ITSN1: variants seen among roughly 807,000 people sequenced by gnomAD.
ITSN1 encodes intersectin-1.
ITSN1 carries 58 observed loss-of-function variants against 239.8 expected under a neutral mutation model. That is an observed-to-expected ratio of 0.24 (90% CI 0.20 to 0.30). The LOEUF (loss-of-function observed/expected upper bound fraction) is 0.30, where lower values mean the gene tolerates loss of function less well. Ranked by LOEUF, ITSN1 falls within the 10% of genes least tolerant of loss-of-function variation. ITSN1 has a pLI of 1.00. For synonymous variants in ITSN1, 780 were observed against 770.8 expected (o/e 1.01, Z -0.20); for missense variants, 1,558 against 2,103.3 (o/e 0.74, Z 5.07).
intron 5 of ITSN1, chr21:33,735,559 GT>G: frequency 3.8e-6 from 1 of 263,536 alleles, no homozygotes; most frequent in Non-Finnish European, 7.2e-6. Context: ...CATAATGTCT[GT>G]TTCTCCTTGT....
intron 8 of ITSN1, 53 bp downstream of exon 8, chr21:33,755,450 G>C: frequency 1.0e-6 from 1 of 979,646 alleles, no homozygotes; most frequent in Non-Finnish European, 1.6e-6. Context: ...AATGTAAACT[G>C]TTTCTAGATA....
In ITSN1 at chr21:33,751,825, A is replaced by G; in HGVS notation, c.542A>G (p.Lys181Arg). ...ATTTTTACAGCAGCCACATTGCCAA[A>G]GAGTTCTTCCTTTAGTAGATCTGGT... ...AFAHPAATLP[K>R]SSSFSRSGPG... is the part of the protein sequence containing the mutation. The change falls in exon 7 of 40, where the codon AAG becomes AGG. Residue 181 changes from lysine (K) to arginine (R), a missense_variant. Lys to Arg is a conservative substitution (Grantham distance 26, BLOSUM62 2). This residue lies in a region of ITSN1 where 982 missense variants were observed against 1,209.9 expected (regional missense o/e 0.81). Transcript: ENST00000381318. The G allele has an allele frequency of 6.2e-7, 1 of 1,610,778 alleles. No homozygotes were observed. Among genetic ancestry groups the G allele is most frequent in the African/African-American group, 1.3e-5 (1 of 74,988 alleles).
Position 33,799,842 on chromosome 21 carries a change from T to C in ITSN1, c.2217T>C (p.Asn739=). Reference sequence around the variant, plus strand: ...CACTTACCATTTCTGCACAGGAAAATGTAAAAGTGGTGTATTACCGGGCAC... The same window carrying C: ...CACTTACCATTTCTGCACAGGAAAACGTAAAAGTGGTGTATTACCGGGCAC... ...KGPLTISAQE[N]VKVVYYRALY... The change falls in exon 19 of 40, where the codon AAT becomes AAC. Residue 739 remains asparagine (N), a synonymous_variant. Transcript: ENST00000381318. 1 of 1,614,010 alleles carries C rather than the reference T, an allele frequency of 6.2e-7. No individual in the cohort carries two copies.
intron 20 of ITSN1, among the ~76,000 whole-genome samples, chr21:33,806,047 CAAA>C (rs762086740): frequency 8.8e-6 from 1 of 113,012 alleles, no homozygotes; most frequent in Admixed American, 9.1e-5. Context: ...ACTAAAAATA[CAAA>C]AAAAAAAAAA....
At chr21:33,678,507 G>GGCTA (rs1481587001) in intron 1 of ITSN1, among the ~76,000 whole-genome samples, 3 of 152,142 alleles carry the variant, frequency 2.0e-5, no homozygotes, top group African/African-American at 7.2e-5. Context: ...GTAAGTACTA[G>GGCTA]GTGACCATTT....
At chr21:33,682,087 A>G (rs565185266) in intron 1 of ITSN1, among the ~76,000 whole-genome samples, 25 of 152,024 alleles carry the variant, frequency 1.6e-4, no homozygotes, top group Admixed American at 1.0e-3. Context: ...AAAAAACTAC[A>G]TACTAATTAC....
At chr21:33,695,425 A>AGTGAAGTACATATTGAATGT (rs2091752790) in intron 1 of ITSN1, among the ~76,000 whole-genome samples, 1 of 152,248 alleles carries the variant, frequency 6.6e-6, no homozygotes, top group Non-Finnish European at 1.5e-5. Flanking sequence ...AATGTTATTC[A>AGTGAAGTACATATTGAATGT]GTGAAGTACA....
intron 25 of ITSN1, 114 bp from the exon 26 acceptor site, chr21:33,826,704 A>G (rs1237558405): frequency 1.2e-6 from 1 of 869,544 alleles, no homozygotes; most frequent in African/African-American, 1.7e-5. Context: ...ATGTTTTCCC[A>G]GAATGAAAAG....
chr21:33,722,464 C>A, intron 3 of ITSN1, 124 bp from the exon 4 acceptor site: 1 of 1,186,330 alleles, frequency 8.4e-7, no homozygotes, highest in South Asian at 2.1e-5. Flanking sequence ...TTTTATAATG[C>A]ACTCAACTGG....
chr21:33,747,501 T>C (rs2067254212), intron 5 of ITSN1, among the ~76,000 whole-genome samples: 5 of 74,120 alleles, frequency 6.7e-5, no homozygotes. Flanking sequence ...ACACCTCAAG[T>C]AGGGTAAATA....
intron 29 of ITSN1, among the ~76,000 whole-genome samples, chr21:33,841,993 C>G (rs1569291162): frequency 6.9e-6 from 1 of 145,244 alleles, no homozygotes; most frequent in Non-Finnish European, 1.5e-5. Context: ...GTGGTGCAAT[C>G]TCGGCTCACT....
chr21:33,668,418 T>G (rs1401625107), intron 1 of ITSN1, among the ~76,000 whole-genome samples: 1 of 152,232 alleles, frequency 6.6e-6, no homozygotes, highest in Non-Finnish European at 1.5e-5. Flanking sequence ...CTCCAGCTAC[T>G]GGCTAGAAAC....
chr21:33,834,866 A>G (rs1025097017), intron 28 of ITSN1, among the ~76,000 whole-genome samples: 1 of 152,128 alleles, frequency 6.6e-6, no homozygotes, highest in African/African-American at 2.4e-5. Flanking sequence ...GAAGACCAAA[A>G]TAGCTCCCCT....
At chr21:33,855,480 C>T (rs1482904286) in intron 29 of ITSN1, among the ~76,000 whole-genome samples, 1 of 152,252 alleles carries the variant, frequency 6.6e-6, no homozygotes, top group Non-Finnish European at 1.5e-5. Flanking sequence ...CGGGACACCT[C>T]TGGGTCTGTC....
chr21:33,672,765 G>A (rs1260257457), intron 1 of ITSN1, among the ~76,000 whole-genome samples: 1 of 151,270 alleles, frequency 6.6e-6, no homozygotes, highest in Non-Finnish European at 1.5e-5. Flanking sequence ...AGGCTGGAGT[G>A]CGGTGGCGCA....
intron 16 of ITSN1, among the ~76,000 whole-genome samples, chr21:33,788,115 G>T (rs1259801164): frequency 6.6e-6 from 1 of 152,174 alleles, no homozygotes; most frequent in African/African-American, 2.4e-5. Context: ...GACTGAAGCA[G>T]ACACTTTGAG....
intron 14 of ITSN1, among the ~76,000 whole-genome samples, chr21:33,776,451 G>A (rs1259938851): frequency 6.7e-6 from 1 of 149,832 alleles, no homozygotes; most frequent in Non-Finnish European, 1.5e-5. Context: ...GTACCTGCCT[G>A]AGGCAGGAAG....
intron 16 of ITSN1, among the ~76,000 whole-genome samples, chr21:33,790,245 G>T (rs2071005012): frequency 6.6e-6 from 1 of 151,362 alleles, no homozygotes. Flanking sequence ...TGCATAAATT[G>T]TGATTTTTTA....
At chr21:33,860,307 C>T (rs564190131) in intron 31 of ITSN1, among the ~76,000 whole-genome samples, 23 of 92,954 alleles carry the variant, frequency 2.5e-4, no homozygotes, top group African/African-American at 8.9e-4. Context: ...AACCCTGTCT[C>T]AAAAAAAGAA....
Sources: gnomAD v4.1 joint callset for allele counts (sites outside exome capture counted in the v4.1 genomes callset) on GRCh38, gnomAD v4.1.1 for gene constraint, gnomAD v4.1.1 regional missense constraint, MANE v1.5 for transcripts, NCBI Gene and HGNC (gene_info 2026-07-23, HGNC 2026-07-21) for gene names.